ARCN1: variants seen among roughly 807,000 people sequenced by gnomAD.
ARCN1 encodes archain 1 coat protein complex I subunit delta, also known as coatomer subunit delta.
A neutral mutation model predicts 60.4 loss-of-function variants in ARCN1; 5 were observed. That is an observed-to-expected ratio of 0.08 (90% CI 0.04 to 0.17). The LOEUF (loss-of-function observed/expected upper bound fraction) is 0.17, where lower values mean the gene tolerates loss of function less well. ARCN1 is among the 10% of genes least tolerant of loss of function. The pLI is 1.00. For missense variants in ARCN1, 464 were observed against 626.5 expected, an observed-to-expected ratio of 0.74 and a Z score of 2.77; for synonymous variants, 224 against 220.0, an observed-to-expected ratio of 1.02 and a Z score of -0.16.
At chr11:118,592,654 G>A in intron 6 of ARCN1, 55 bp from the exon 7 acceptor site, 2 of 1,456,528 alleles carry the variant, frequency 1.4e-6, no homozygotes, top group Non-Finnish European at 1.9e-6. Context: ...GCCTAGTGAG[G>A]GGTTGTTTCT....
Position 118,590,344 on chromosome 11 carries a change from A to T in ARCN1, c.822A>T (p.Val274=). 1 of 1,611,244 alleles carries T rather than the reference A, an allele frequency of 6.2e-7. No individual in the cohort carries two copies. Among genetic ancestry groups the T allele is most frequent in the Non-Finnish European group, 8.5e-7 (1 of 1,177,518 alleles). ...MHAPPINMES[V]HMKIEEKITL... Reference sequence around the variant, plus strand: ...ATGTATTACTTTCTCTTTATAGTGTACATATGAAGATTGAAGAAAAGATAA... The same window carrying T: ...ATGTATTACTTTCTCTTTATAGTGTTCATATGAAGATTGAAGAAAAGATAA... Residue 274 remains valine (V), a synonymous_variant, in exon 6 of 10, where the codon GTA becomes GTT. Coordinates refer to ENST00000264028, the MANE Select transcript of ARCN1 (RefSeq NM_001655.5).
chr11:118,597,677 C>T (rs944257664), intron 8 of ARCN1, 30 bp from the exon 9 acceptor site: 1 of 1,610,588 alleles, frequency 6.2e-7, no homozygotes, highest in Non-Finnish European at 8.5e-7. Flanking sequence ...CTCTGAACAG[C>T]TACCTTGACC....
chr11:118,573,761 T>A (rs1555072921), intron 1 of ARCN1: 1 of 646,810 alleles, frequency 1.5e-6, no homozygotes, highest in South Asian at 1.6e-5. Flanking sequence ...TTTAGGCCAC[T>A]GAACAGCTTT....
intron 1 of ARCN1, chr11:118,572,828 C>A: frequency 4.7e-6 from 2 of 426,476 alleles, no homozygotes; most frequent in Non-Finnish European, 8.4e-6. Flanking sequence ...GACGGCCCGG[C>A]GTTTTTGCTC....
In ARCN1 at chr11:118,583,915, G is replaced by C. The variant is rs1938716973; in HGVS notation, c.554G>C (p.Gly185Ala). ...GGCAAAAAAGCACCAGGATTTGGCG[G>C]ATTTGGCAGCTCTGCAGTATCTGGA... Reference protein sequence around the residue: ...RQGKKAPGFGGFGSSAVSGGS... With the variant: ...RQGKKAPGFGAFGSSAVSGGS... The change falls in exon 4 of 10, where the codon GGA becomes GCA. Residue 185 changes from glycine (G) to alanine (A), a missense_variant. Around this residue, in one of 2 missense-constraint regions of ARCN1, gnomAD observed 359 missense variants for 440.2 expected, o/e 0.82. Coordinates refer to ENST00000264028, the MANE Select transcript of ARCN1 (RefSeq NM_001655.5). The C allele has an allele frequency of 6.2e-7, 1 of 1,614,270 alleles. No homozygotes were observed. Among genetic ancestry groups the C allele is most frequent in the Non-Finnish European group, 8.5e-7 (1 of 1,180,058 alleles).
intron 5 of ARCN1, among the ~76,000 whole-genome samples, chr11:118,589,367 T>A (rs1938846586): frequency 6.6e-6 from 1 of 152,140 alleles, no homozygotes; most frequent in Non-Finnish European, 1.5e-5. Flanking sequence ...AATAGAAAGT[T>A]TTTTCAGTTG....
At position 118,600,646 on chromosome 11, in the gene ARCN1, G is replaced by C; in HGVS notation, c.1468G>C (p.Asp490His). The change falls in exon 10 of 10, where the codon GAT becomes CAT. Residue 490 changes from aspartate to histidine, a missense_variant. This residue lies in a region of ARCN1 where 359 missense variants were observed against 440.2 expected (regional missense o/e 0.82). Transcript: ENST00000264028. ...CTAGGTTACCAAAGTGACCCAGGTA[G>C]ATGGAAACAGCCCCGTCAGGTTTTC... ...NIQVTKVTQV[D>H]GNSPVRFSTE... 2 of 1,612,296 alleles carry C rather than the reference G, an allele frequency of 1.2e-6. No homozygotes were observed. Among genetic ancestry groups the C allele is most frequent in the Non-Finnish European group, 1.7e-6 (2 of 1,179,252 alleles).
chr11:118,585,422 T>G (rs1378605041), intron 5 of ARCN1, among the ~76,000 whole-genome samples: 1 of 152,046 alleles, frequency 6.6e-6, no homozygotes, highest in Non-Finnish European at 1.5e-5. Flanking sequence ...AGAGCTATGG[T>G]GACCCCACAC....
intron 9 of ARCN1, among the ~76,000 whole-genome samples, chr11:118,598,470 T>A (rs143298097): frequency 2.0e-4 from 30 of 151,496 alleles, no homozygotes; most frequent in African/African-American, 6.5e-4. Flanking sequence ...AATGGAGATG[T>A]GTGAGCTGTT....
intron 8 of ARCN1, among the ~76,000 whole-genome samples, chr11:118,595,635 T>C (rs1407080822): frequency 6.6e-6 from 1 of 152,230 alleles, no homozygotes; most frequent in Non-Finnish European, 1.5e-5. Flanking sequence ...CATGCAGTTA[T>C]TACTTCACAG....
intron 9 of ARCN1, among the ~76,000 whole-genome samples, chr11:118,600,398 G>A (rs1393814757): frequency 1.3e-5 from 2 of 152,176 alleles, no homozygotes; most frequent in African/African-American, 2.4e-5. Flanking sequence ...GGAACATCTC[G>A]TCCCAACAGT....
chr11:118,600,268 G>A (rs1209314392), intron 9 of ARCN1, among the ~76,000 whole-genome samples: 3 of 152,208 alleles, frequency 2.0e-5, no homozygotes, highest in South Asian at 2.1e-4. Context: ...GAGCTAGAAC[G>A]TTGCCTTTTG....
chr11:118,572,498 C>G lies in ARCN1; in HGVS notation c.-50C>G. 6.2e-7 allele frequency: 1 copy of G among 1,608,772 alleles called. No individual in the cohort carries two copies. Among genetic ancestry groups the G allele is most frequent in the Non-Finnish European group, 8.5e-7 (1 of 1,177,482 alleles). On this transcript the variant is annotated 5_prime_UTR_variant, in exon 1 of 10. Coordinates refer to ENST00000264028, the MANE Select transcript of ARCN1 (RefSeq NM_001655.5). ...TGCTCCCGTTCCCCAGACCCTACCC[C>G]TATCCCCAGTGGAGCCGGAGTGCGG...
At chr11:118,577,217 C>T (rs1938536341) in intron 1 of ARCN1, among the ~76,000 whole-genome samples, 1 of 152,018 alleles carries the variant, frequency 6.6e-6, no homozygotes, top group Non-Finnish European at 1.5e-5. Flanking sequence ...TTCATCAAAG[C>T]ATGATCTAAA....
chr11:118,572,639 C>A, intron 1 of ARCN1, 89 bp downstream of exon 1: 2 of 1,533,378 alleles, frequency 1.3e-6, no homozygotes, highest in Admixed American at 1.9e-5. Flanking sequence ...CCGGAGGAGC[C>A]CCGCCCTGAG....
Position 118,572,411 on chromosome 11 carries a change from C to A in ARCN1, c.-137C>A. On this transcript the variant is annotated 5_prime_UTR_variant, in exon 1 of 10. Transcript: ENST00000264028. ...TGAAGACGTGGCTTGGGGCCGCCAT[C>A]TTGGCAAGAGGCGAAGCGGCAGCGG... 1.7e-6 allele frequency: 1 copy of A among 580,074 alleles called. No individual in the cohort carries two copies. Among genetic ancestry groups the A allele is most frequent in the Non-Finnish European group, 2.4e-6 (1 of 409,250 alleles). The allele number at this position is 580,074 out of a possible 1,614,324, so 35.9% of individuals were successfully genotyped here.
chr11:118,593,750 G>T (rs782807130), intron 8 of ARCN1, 52 bp downstream of exon 8: 9 of 1,311,316 alleles, frequency 6.9e-6, no homozygotes, highest in Non-Finnish European at 7.6e-6. Context: ...CTGGTCTTTT[G>T]GAACTCATTT....
Position 118,578,557 on chromosome 11 carries a change from G to A in ARCN1, c.4-2689G>A, listed in dbSNP as rs942749022. ...ACTCTCAACCTTTTAGGGATAGGAG[G>A]CTCTACAGGGATTACATTTACAATA... On this transcript the variant is annotated intron_variant, in intron 1 of 9. Transcript: ENST00000264028. Among the ~76,000 whole-genome samples the A allele has an allele frequency of 3.9e-5, 6 of 152,198 alleles. No individual in the cohort carries two copies. In the South Asian group the frequency reaches 1.0e-3, roughly 26 times the overall value.
chr11:118,577,448 A>C (rs1045668044), intron 1 of ARCN1, among the ~76,000 whole-genome samples: 15 of 151,978 alleles, frequency 9.9e-5, no homozygotes, highest in African/African-American at 3.6e-4. Flanking sequence ...GGGTTTTCCC[A>C]TGTTGACCAG....
Sources: allele counts gnomAD v4.1 joint callset (sites outside exome capture counted in the v4.1 genomes callset), GRCh38; gene constraint gnomAD v4.1.1; regional missense constraint gnomAD v4.1.1; transcripts MANE v1.5; gene names NCBI Gene and HGNC (gene_info 2026-07-23, HGNC 2026-07-21).